The following SUV39H2 variants were observed in gnomAD, a reference collection of about 807,000 sequenced individuals.
The protein encoded by SUV39H2 is SUV39H2 histone lysine methyltransferase.
A neutral mutation model predicts 47.5 loss-of-function variants in SUV39H2; 10 were observed. The ratio of observed to expected loss-of-function variants is 0.21; its 90% confidence interval spans 0.13 to 0.36. SUV39H2 has a LOEUF of 0.36. Among genes scored for constraint, SUV39H2 ranks in the 10% least tolerant of loss-of-function variants. The probability of loss-of-function intolerance (pLI) is 1.00; values close to 1 mark genes in which losing one functional copy is unlikely to be tolerated. For missense variants in SUV39H2, 266 were observed against 487.4 expected, an observed-to-expected ratio of 0.55 and a Z score of 4.28; for synonymous variants, 159 against 166.8, an observed-to-expected ratio of 0.95 and a Z score of 0.36.
chr10:14,896,533 G>A (rs72772439), intron 2 of SUV39H2, among the ~76,000 whole-genome samples: 6,898 of 152,074 alleles, frequency 0.045, 188 homozygotes, highest in Admixed American at 0.073. Flanking sequence ...AATACATCTG[G>A]GTTTAACCTG....
intron 1 of SUV39H2, chr10:14,879,184 C>G (rs887828445): frequency 2.0e-5 from 23 of 1,127,106 alleles, no homozygotes; most frequent in Non-Finnish European, 2.5e-5. Context: ...TCTCCGCCCG[C>G]TCGGCCCGGC....
rs995497805 is a variant in SUV39H2 at position 14,897,157 on chromosome 10, G to A, written c.489G>A (p.Glu163=). ...TTGTTGAAAATACTGTTGATTTAGA[G>A]GGCCCACCTTCAGACTTCTATTACA... ...MIFVENTVDL[E]GPPSDFYYIN... The change falls in exon 3 of 6, where the codon GAG becomes GAA. Residue 163 remains glutamate, a synonymous_variant. Transcript: ENST00000354919. 4.3e-6 allele frequency: 7 copies of A among 1,613,582 alleles called. No homozygotes were observed. In the African/African-American group the frequency reaches 5.3e-5, roughly 12 times the overall value.
At chr10:14,881,210 A>G (rs1833032241) in intron 1 of SUV39H2, among the ~76,000 whole-genome samples, 1 of 152,246 alleles carries the variant, frequency 6.6e-6, no homozygotes, top group South Asian at 2.1e-4. Context: ...ATATAATCTT[A>G]AAAAAGCTTA....
At chr10:14,895,111 A>G (rs1833525349) in intron 2 of SUV39H2, among the ~76,000 whole-genome samples, 1 of 151,944 alleles carries the variant, frequency 6.6e-6, no homozygotes, top group Admixed American at 6.6e-5. Context: ...AAAAAAAATT[A>G]CTGAGACTTT....
rs533744244 is a variant in SUV39H2 at position 14,902,740 on chromosome 10, A to G, written c.*228A>G. 9 of 325,464 alleles carry G rather than the reference A, an allele frequency of 2.8e-5. No individual in the cohort carries two copies. Among genetic ancestry groups the G allele is most frequent in the South Asian group, 2.3e-4 (4 of 17,776 alleles). The allele number at this position is 325,464 out of a possible 1,614,324, so 20.2% of individuals were successfully genotyped here. Reference sequence around the variant, plus strand: ...ATTTATAGTGCTTAGAGACCAAACTAATGGAAGGCAGACTATTTACAGCTT... The same window carrying G: ...ATTTATAGTGCTTAGAGACCAAACTGATGGAAGGCAGACTATTTACAGCTT... On this transcript the variant is annotated 3_prime_UTR_variant, in exon 6 of 6. Transcript: ENST00000354919.
Position 14,881,726 on chromosome 10 carries a change from A to G in SUV39H2, c.177+81A>G, listed in dbSNP as rs534965815. ...ATTTCTGTAACATAAAAAGAACATT[A>G]AAAGAAAAGCTCTTCTTAATGTTTA... is the stretch of plus-strand genomic sequence containing the variant. On this transcript the variant is annotated intron_variant, in intron 2 of 5. Coordinates refer to ENST00000354919, the MANE Select transcript of SUV39H2 (RefSeq NM_001193424.2). 17 of 1,216,074 alleles carry G rather than the reference A, an allele frequency of 1.4e-5. No individual in the cohort carries two copies. The East Asian group carries it at 4.8e-4, about 34-fold the overall frequency. The allele number at this position is 1,216,074 out of a possible 1,614,324, so 75.3% of individuals were successfully genotyped here.
intron 2 of SUV39H2, among the ~76,000 whole-genome samples, chr10:14,888,490 T>G (rs1192572062): frequency 6.6e-6 from 1 of 151,910 alleles, no homozygotes; most frequent in Non-Finnish European, 1.5e-5. Context: ...AAAAATTAGC[T>G]TGGCATGGTG....
At chr10:14,901,546 T>G (rs1199752779) in intron 5 of SUV39H2, among the ~76,000 whole-genome samples, 3 of 143,590 alleles carry the variant, frequency 2.1e-5, no homozygotes, top group Non-Finnish European at 4.6e-5. Flanking sequence ...ACTACTTGTC[T>G]TTTTTTTTTT....
chr10:14,902,361 T>C, intron 5 of SUV39H2, 45 bp from the exon 6 acceptor site: 1 of 1,334,966 alleles, frequency 7.5e-7, no homozygotes, highest in Non-Finnish European at 1.0e-6. Context: ...TATTCTAAAT[T>C]GTCTTAACTC....
intron 2 of SUV39H2, among the ~76,000 whole-genome samples, chr10:14,891,469 C>T (rs1476985576): frequency 6.6e-6 from 1 of 151,310 alleles, no homozygotes. Context: ...TTTGTTTTTA[C>T]AAAAAAAACT....
At chr10:14,884,158 T>A (rs182104605) in intron 2 of SUV39H2, among the ~76,000 whole-genome samples, 1 of 152,336 alleles carries the variant, frequency 6.6e-6, no homozygotes, top group East Asian at 1.9e-4. Flanking sequence ...GGGTTCTGTG[T>A]GGACATAAGT....
At position 14,893,387 on chromosome 10, in the gene SUV39H2, C is replaced by T. The variant is rs371518379; in HGVS notation, c.178-3459C>T. Among the ~76,000 whole-genome samples the T allele has an allele frequency of 2.4e-4, 36 of 152,108 alleles. 2 individuals carry two copies. Among genetic ancestry groups the T allele is most frequent in the African/African-American group, 3.9e-4 (16 of 41,480 alleles). ...GACCTCGTGATTCACCCGCCTTGGCCGGGAAGTGGCTTTAAAAAAAAATTC... is the reference window on the plus strand; with the variant it reads ...GACCTCGTGATTCACCCGCCTTGGCTGGGAAGTGGCTTTAAAAAAAAATTC... On this transcript the variant is annotated intron_variant, in intron 2 of 5. Coordinates refer to ENST00000354919, the MANE Select transcript of SUV39H2 (RefSeq NM_001193424.2).
At chr10:14,891,610 G>A (rs1833392074) in intron 2 of SUV39H2, among the ~76,000 whole-genome samples, 1 of 152,112 alleles carries the variant, frequency 6.6e-6, no homozygotes, top group Admixed American at 6.6e-5. Flanking sequence ...AATAGAGATG[G>A]ACAGGAAGAA....
intron 1 of SUV39H2, among the ~76,000 whole-genome samples, chr10:14,881,027 T>C (rs1420603886): frequency 6.6e-6 from 1 of 152,008 alleles, no homozygotes; most frequent in Non-Finnish European, 1.5e-5. Flanking sequence ...TTTGTCCAGT[T>C]AAAAAAAATG....
chr10:14,896,767 C>CT (rs1833637078), intron 2 of SUV39H2, 79 bp from the exon 3 acceptor site: 8 of 1,290,568 alleles, frequency 6.2e-6, no homozygotes, highest in Non-Finnish European at 8.5e-6. Flanking sequence ...ATACCTTACT[C>CT]TTTAAGATTT....
rs1833637289 is a variant in SUV39H2 at position 14,896,769 on chromosome 10, T to C, written c.178-77T>C. 3.1e-6 allele frequency: 4 copies of C among 1,305,602 alleles called. No individual in the cohort carries two copies. In the Admixed American group the frequency reaches 6.9e-5, roughly 23 times the overall value. The allele number at this position is 1,305,602 out of a possible 1,614,324, so 80.9% of individuals were successfully genotyped here. Reference sequence around the variant, plus strand: ...AAAATGGTATTGGATACCTTACTCTTTAAGATTTTTAATTATTTTTGGTAA... The same window carrying C: ...AAAATGGTATTGGATACCTTACTCTCTAAGATTTTTAATTATTTTTGGTAA... On this transcript the variant is annotated intron_variant, in intron 2 of 5. Transcript: ENST00000354919.
chr10:14,879,017 G>A, intron 1 of SUV39H2, 98 bp downstream of exon 1: 1 of 1,320,036 alleles, frequency 7.6e-7, no homozygotes, highest in Non-Finnish European at 9.7e-7. Flanking sequence ...AGATGGCGAC[G>A]TGGCGGTTCC....
intron 2 of SUV39H2, among the ~76,000 whole-genome samples, chr10:14,884,435 C>T (rs986313561): frequency 1.3e-5 from 2 of 152,174 alleles, no homozygotes; most frequent in African/African-American, 4.8e-5. Flanking sequence ...CTGAGCATCT[C>T]CTGTGCCTAT....
At chr10:14,879,034 G>T (rs1245866944) in intron 1 of SUV39H2, 115 bp downstream of exon 1, 43 of 1,318,140 alleles carry the variant, frequency 3.3e-5, no homozygotes, top group Non-Finnish European at 3.8e-5. Context: ...TTCCCCGCCC[G>T]CCGCGACCCC....
Sources: allele counts gnomAD v4.1 joint callset (sites outside exome capture counted in the v4.1 genomes callset), GRCh38; gene constraint gnomAD v4.1.1; transcripts MANE v1.5; gene names NCBI Gene and HGNC (gene_info 2026-07-23, HGNC 2026-07-21).